PCDHGA2: variants seen among roughly 807,000 people sequenced by gnomAD.
PCDHGA2 encodes the protein protocadherin gamma-A2.
PCDHGA2 carries 40 observed loss-of-function variants against 59.2 expected under a neutral mutation model. The observed-to-expected ratio is 0.68, with a 90% CI of 0.52 to 0.88. The LOEUF is 0.88. Ranked by LOEUF, PCDHGA2 falls within the 40% of genes least tolerant of loss-of-function variation. The pLI, the probability that PCDHGA2 is intolerant of heterozygous loss-of-function variation, is 0.00. For missense variants in PCDHGA2, 1,226 were observed against 1,204.0 expected, an observed-to-expected ratio of 1.02 and a Z score of -0.27; for synonymous variants, 560 against 526.0, an observed-to-expected ratio of 1.06 and a Z score of -0.89.
In PCDHGA2 at chr5:141,490,670, C is replaced by A. The variant is rs1003577285; in HGVS notation, c.2425-4137C>A. ...CCGGGCTCCCTTCTTTGCACTGTGG[C>A]TGCCTCAGATCCAGACACTGGGGAT... On this transcript the variant is annotated intron_variant, in intron 1 of 3. Coordinates refer to ENST00000394576, the MANE Select transcript of PCDHGA2 (RefSeq NM_018915.4). This position sits in a 1 kb window ranked among gnomAD's most constrained non-coding sequence, Gnocchi z 5.4. 4 of 1,614,194 alleles carry A rather than the reference C, an allele frequency of 2.5e-6. No homozygotes were observed. The highest frequency in any genetic ancestry group is 3.4e-6 in the Non-Finnish European group (4 of 1,179,986).
chr5:141,480,152 C>G (rs2099513323), intron 1 of PCDHGA2, among the ~76,000 whole-genome samples: 1 of 151,928 alleles, frequency 6.6e-6, no homozygotes, highest in African/African-American at 2.4e-5. Context: ...TAGCCAGCTC[C>G]TAGCATTTTG....
intron 1 of PCDHGA2, among the ~76,000 whole-genome samples, chr5:141,462,763 G>A (rs935087747): frequency 2.6e-5 from 4 of 152,036 alleles, no homozygotes; most frequent in Non-Finnish European, 4.4e-5. Context: ...TTTTCTTCCT[G>A]GCTTGGGGTC....
chr5:141,392,629 T>C, intron 1 of PCDHGA2: 1 of 598,736 alleles, frequency 1.7e-6, no homozygotes, highest in East Asian at 3.0e-5. Flanking sequence ...AACACTCAGA[T>C]CTCACACCTC....
chr5:141,419,354 C>G (rs1444462815), intron 1 of PCDHGA2: 1 of 1,613,828 alleles, frequency 6.2e-7, no homozygotes, highest in Admixed American at 1.7e-5. Flanking sequence ...CCTGGAGTCA[C>G]GAACGCTGTC....
chr5:141,408,184 G>A, intron 1 of PCDHGA2: 1 of 1,541,100 alleles, frequency 6.5e-7, no homozygotes, highest in Non-Finnish European at 8.8e-7. Flanking sequence ...CGGGGACCCA[G>A]CGAGAACCCG....
intron 1 of PCDHGA2, chr5:141,377,955 G>GTTT (rs1774497186): frequency 6.6e-6 from 1 of 152,022 alleles, no homozygotes; most frequent in African/African-American, 2.4e-5. Context: ...GTGTATCCAG[G>GTTT]GCAACTTGAA....
At chr5:141,381,826 C>CTTTTTTTTTTTTTTTTTTTTTT (rs770630741) in intron 1 of PCDHGA2, among the ~76,000 whole-genome samples, 11 of 74,280 alleles carry the variant, frequency 1.5e-4, no homozygotes, top group South Asian at 5.1e-4. Flanking sequence ...CTTTCTTCTT[C>CTTTTTTTTTTTTTTTTTTTTTT]TTTTTTTTTT....
Position 141,490,202 on chromosome 5 carries a change from G to A in PCDHGA2, c.2425-4605G>A, listed in dbSNP as rs1594889134. On this transcript the variant is annotated intron_variant, in intron 1 of 3. Coordinates refer to ENST00000394576, the MANE Select transcript of PCDHGA2 (RefSeq NM_018915.4). The surrounding 1 kb of genome is among the most constrained non-coding windows in gnomAD (Gnocchi z 5.4). ...TCACGTTTCTATGAAATTCATGCAA[G>A]AGCCCGTGACCAGGGACAGCCTGCC... 1.2e-6 allele frequency: 2 copies of A among 1,614,220 alleles called. No homozygotes were observed. The highest frequency in any genetic ancestry group is 2.7e-5 in the African/African-American group (2 of 75,060).
In PCDHGA2 at chr5:141,366,140, C is replaced by T. The variant is rs564608784; in HGVS notation, c.2424+24745C>T. 1.8e-5 allele frequency: 29 copies of T among 1,614,182 alleles called. No homozygotes were observed. The East Asian group carries it at 5.6e-4, about 31-fold the overall frequency. ...CAAAGATTCAGGCCAGAACGCCTGG[C>T]TGTCCTACCGCCTGCTTAAGGCCAG... On this transcript the variant is annotated intron_variant, in intron 1 of 3. Coordinates refer to ENST00000394576, the MANE Select transcript of PCDHGA2 (RefSeq NM_018915.4).
intron 1 of PCDHGA2, among the ~76,000 whole-genome samples, chr5:141,481,693 C>T (rs755007426): frequency 1.8e-4 from 27 of 152,020 alleles, no homozygotes; most frequent in Admixed American, 7.9e-4. Context: ...GTGGCTCACG[C>T]CTGTAATCCC....
intron 1 of PCDHGA2, chr5:141,357,866 TA>T (rs2149798839): frequency 1.7e-6 from 1 of 577,984 alleles, no homozygotes; most frequent in East Asian, 3.2e-5. Context: ...TTTCTAATTT[TA>T]CAACTCTGAG....
intron 1 of PCDHGA2, chr5:141,418,426 C>A: frequency 6.2e-7 from 1 of 1,613,948 alleles, no homozygotes; most frequent in South Asian, 1.1e-5. Flanking sequence ...CTGATGGTGG[C>A]AAATATCCAG....
chr5:141,340,809 A>T lies in PCDHGA2; in HGVS notation c.1838A>T (p.Glu613Val). ...TCTTACCACCTGCTCAAGGCCAGCG[A>T]GCCGGGACTCTTCTCGGTGGGTCTG... ...WLSYHLLKAS[E>V]PGLFSVGLHT... Residue 613 changes from glutamate (E) to valine (V), a missense_variant, in exon 1 of 4, where the codon GAG becomes GTG. Coordinates refer to ENST00000394576, the MANE Select transcript of PCDHGA2 (RefSeq NM_018915.4). 1 of 1,612,114 alleles carries T rather than the reference A, an allele frequency of 6.2e-7. No homozygotes were observed. The highest frequency in any genetic ancestry group is 8.5e-7 in the Non-Finnish European group (1 of 1,179,742).
At chr5:141,347,137 C>CTCTTTCTTTCCTTCTTTCTTTCTT (rs1757890739) in intron 1 of PCDHGA2, among the ~76,000 whole-genome samples, 2 of 113,744 alleles carry the variant, frequency 1.8e-5, no homozygotes, top group African/African-American at 7.7e-5. Flanking sequence ...CTCTGTTTCT[C>CTCTTTCTTTCCTTCTTTCTTTCTT]TCTTTCTTTC....
intron 1 of PCDHGA2, chr5:141,399,297 T>A (rs370898446): frequency 6.2e-7 from 1 of 1,613,830 alleles, no homozygotes; most frequent in African/African-American, 1.3e-5. Context: ...CTTTTAAGAT[T>A]ATCTCTTCAT....
intron 1 of PCDHGA2, chr5:141,404,337 C>T (rs766940096): frequency 5.0e-6 from 8 of 1,613,902 alleles, no homozygotes; most frequent in Admixed American, 1.7e-5. Flanking sequence ...GTCTACCTCC[C>T]GGAAAACAAC....
chr5:141,375,647 T>A (rs1265306389), intron 1 of PCDHGA2: 1 of 1,614,156 alleles, frequency 6.2e-7, no homozygotes, highest in Admixed American at 1.7e-5. Flanking sequence ...CTCCTTCGAC[T>A]ATGAGCAGTT....
At chr5:141,419,210 GTTT>G in intron 1 of PCDHGA2, 1 of 1,613,926 alleles carries the variant, frequency 6.2e-7, no homozygotes, top group East Asian at 2.2e-5. Flanking sequence ...CAACGCGCCG[GTTT>G]TCGGACAGTC....
chr5:141,425,217 T>G (rs565640413), intron 1 of PCDHGA2, among the ~76,000 whole-genome samples: 51 of 152,294 alleles, frequency 3.3e-4, no homozygotes, highest in Middle Eastern at 3.4e-3. Flanking sequence ...GCATTGTACT[T>G]TGACTGGAAT....
Sources: gnomAD v4.1 joint callset for allele counts (sites outside exome capture counted in the v4.1 genomes callset) on GRCh38, gnomAD v4.1.1 for gene constraint, Gnocchi (gnomAD v3.1) non-coding constraint, MANE v1.5 for transcripts, NCBI Gene and HGNC (gene_info 2026-07-23, HGNC 2026-07-21) for gene names.